TICRR: variants seen among roughly 807,000 people sequenced by gnomAD.
TICRR encodes the protein TOPBP1 interacting checkpoint and replication regulator.
A neutral mutation model predicts 178.1 loss-of-function variants in TICRR; 132 were observed. The observed-to-expected ratio is 0.74, with a 90% CI of 0.64 to 0.86. TICRR has a LOEUF of 0.86. Among genes scored for constraint, TICRR ranks in the 40% least tolerant of loss-of-function variants. TICRR has a pLI of 0.00. For missense variants in TICRR, 2,587 were observed against 2,334.3 expected (o/e 1.11, Z -2.23); for synonymous variants, 991 against 900.7 (o/e 1.10, Z -1.79).
chr15:89,592,008 G>C, intron 4 of TICRR, 39 bp from the exon 5 acceptor site: 1 of 1,583,990 alleles, frequency 6.3e-7, no homozygotes, highest in Non-Finnish European at 8.6e-7. Context: ...TGGTTCTCAT[G>C]CTGTTTCCTC....
chr15:89,600,706 A>G (rs190063444), intron 9 of TICRR, 21 bp downstream of exon 9: 1 of 1,179,790 alleles, frequency 8.5e-7, no homozygotes, highest in Non-Finnish European at 1.2e-6. Flanking sequence ...ACCATTTTTT[A>G]AAAAATCATC....
chr15:89,593,216 C>T lies in TICRR; in HGVS notation c.1541+1040C>T, dbSNP rs573036654. Reference sequence around the variant, plus strand: ...CATAGATAAATTTGGGAAGAACTGACATCTTAACAATGTTGAGTCATCCGA... The same window carrying T: ...CATAGATAAATTTGGGAAGAACTGATATCTTAACAATGTTGAGTCATCCGA... On this transcript the variant is annotated intron_variant, in intron 5 of 21. Transcript: ENST00000268138. 1.1e-4 allele frequency among the ~76,000 whole-genome samples: 17 copies of T among 152,272 alleles called. No homozygotes were observed. In the South Asian group the frequency reaches 3.5e-3, roughly 32 times the overall value.
At chr15:89,597,857 C>T (rs750275878) in intron 7 of TICRR, among the ~76,000 whole-genome samples, 1 of 152,162 alleles carries the variant, frequency 6.6e-6, no homozygotes, top group Non-Finnish European at 1.5e-5. Flanking sequence ...GTCTTTCTTG[C>T]TGTGAACATG....
chr15:89,621,330 A>C, intron 18 of TICRR, 63 bp from the exon 19 acceptor site: 1 of 1,525,450 alleles, frequency 6.6e-7, no homozygotes, highest in South Asian at 1.3e-5. Context: ...TGGCTGTTTT[A>C]ATAGTATTGG....
At chr15:89,603,637 G>C (rs946909671) in intron 13 of TICRR, among the ~76,000 whole-genome samples, 1 of 152,186 alleles carries the variant, frequency 6.6e-6, no homozygotes, top group Non-Finnish European at 1.5e-5. Context: ...TTTTGAAAAA[G>C]ATGATGACCA....
At position 89,625,712 on chromosome 15, in the gene TICRR, A is replaced by C. The variant is rs1963509896; in HGVS notation, c.5402A>C (p.Lys1801Thr). 1 of 1,613,022 alleles carries C rather than the reference A, an allele frequency of 6.2e-7. No homozygotes were observed. ...CDLREDSEVS[K>T]SKEGSPSWSA... ...CTGAGAGAAGATTCAGAAGTTAGTAAGAGTAAAGAGGGGTCTCCAAGTTGG... is the reference window on the plus strand; with the variant it reads ...CTGAGAGAAGATTCAGAAGTTAGTACGAGTAAAGAGGGGTCTCCAAGTTGG... The change falls in exon 20 of 22, where the codon AAG (lysine) becomes ACG (threonine). Residue 1801 changes from lysine to threonine, a missense_variant. By Grantham distance (78) the Lys-to-Thr change is moderately conservative. Coordinates refer to ENST00000268138, the MANE Select transcript of TICRR (RefSeq NM_152259.4).
rs201265436 is a variant in TICRR at position 89,575,636 on chromosome 15, C to G, written c.50C>G (p.Ala17Gly). The change falls in exon 1 of 22, where the codon GCC becomes GGC. Residue 17 changes from alanine (A) to glycine (G), a missense_variant. By Grantham distance (60) the Ala-to-Gly change is moderately conservative. Transcript: ENST00000268138. ...CTGCTGCTGGACACCGCGGGCGGCG[C>G]CGCCCGCCACAGCCGGGTCCGGCGG... The part of the protein sequence containing the change: ...VMLLLDTAGG[A>G]ARHSRVRRAA... 6.4e-7 allele frequency: 1 copy of G among 1,551,324 alleles called. No homozygotes were observed. The highest frequency in any genetic ancestry group is 1.4e-5 in the African/African-American group (1 of 72,802).
intron 15 of TICRR, among the ~76,000 whole-genome samples, chr15:89,610,402 T>C (rs1963239148): frequency 6.6e-6 from 1 of 152,250 alleles, no homozygotes; most frequent in Non-Finnish European, 1.5e-5. Flanking sequence ...CTTAAGTATA[T>C]ATGTCAATAA....
intron 7 of TICRR, among the ~76,000 whole-genome samples, chr15:89,597,346 A>G (rs1963014651): frequency 6.6e-6 from 1 of 152,114 alleles, no homozygotes; most frequent in South Asian, 2.1e-4. Flanking sequence ...CAGCATGGTG[A>G]AACCCTGTCT....
intron 15 of TICRR, among the ~76,000 whole-genome samples, chr15:89,615,994 C>T (rs1963329718): frequency 6.6e-6 from 1 of 151,828 alleles, no homozygotes; most frequent in South Asian, 2.1e-4. Context: ...AAGTGATTCT[C>T]CTGCCTCCGC....
intron 19 of TICRR, among the ~76,000 whole-genome samples, chr15:89,622,854 A>G (rs1963449264): frequency 1.3e-5 from 2 of 152,114 alleles, no homozygotes; most frequent in South Asian, 4.1e-4. Flanking sequence ...CCGACACCCA[A>G]GCTTGAAGAC....
intron 18 of TICRR, among the ~76,000 whole-genome samples, chr15:89,620,330 T>A (rs1029797156): frequency 1.3e-5 from 2 of 152,094 alleles, no homozygotes; most frequent in African/African-American, 4.8e-5. Flanking sequence ...CACCTTAGCC[T>A]CCCAGGGAGG....
In TICRR at chr15:89,624,315, A is replaced by T; in HGVS notation, c.4005A>T (p.Pro1335=). 1 of 1,614,210 alleles carries T rather than the reference A, an allele frequency of 6.2e-7. No homozygotes were observed. The highest frequency in any genetic ancestry group is 8.5e-7 in the Non-Finnish European group (1 of 1,180,042). ...FRKSKIECPS[P]GELDQKEPQM... ...AATCTAAAATAGAGTGTCCTTCCCCAGGAGAACTGGATCAGAAAGAGCCCC... is the reference window on the plus strand; with the variant it reads ...AATCTAAAATAGAGTGTCCTTCCCCTGGAGAACTGGATCAGAAAGAGCCCC... The change falls in exon 20 of 22, where the codon CCA becomes CCT. Residue 1335 remains proline (P), a synonymous_variant. Transcript: ENST00000268138.
At chr15:89,580,314 A>G (rs1443558673) in intron 1 of TICRR, among the ~76,000 whole-genome samples, 4 of 152,224 alleles carry the variant, frequency 2.6e-5, no homozygotes. Context: ...GTCAGCCACC[A>G]CAACCGGCCA....
At chr15:89,611,052 TAA>T (rs547260243) in intron 15 of TICRR, among the ~76,000 whole-genome samples, 2 of 149,258 alleles carry the variant, frequency 1.3e-5, no homozygotes, top group Non-Finnish European at 1.5e-5. Flanking sequence ...ATATAGGGTT[TAA>T]AAAAAAAACA....
At chr15:89,576,358 C>G (rs748381864) in intron 1 of TICRR, 118 bp downstream of exon 1, 105 of 969,450 alleles carry the variant, frequency 1.1e-4, no homozygotes, top group Non-Finnish European at 1.5e-4. Flanking sequence ...GACTATGCGT[C>G]CCTTCGGAAG....
Position 89,592,068 on chromosome 15 carries a change from C to G in TICRR, c.1433C>G (p.Ala478Gly). ...ASAASPVPEW[A>G]QQELGHTTPW... The stretch of plus-strand genomic sequence containing the variant: ...ATAGCTTCTCCTGTTCCAGAGTGGG[C>G]CCAGCAGGAGCTTGGCCACACCACT... Residue 478 changes from alanine (A) to glycine (G), a missense_variant, in exon 5 of 22, where the codon GCC (alanine) becomes GGC (glycine). Ala to Gly is a moderately conservative substitution (Grantham distance 60, BLOSUM62 0). Transcript: ENST00000268138. 1 of 1,611,012 alleles carries G rather than the reference C, an allele frequency of 6.2e-7. No homozygotes were observed. The highest frequency in any genetic ancestry group is 8.5e-7 in the Non-Finnish European group (1 of 1,177,628).
Position 89,625,692 on chromosome 15 carries a change from A to G in TICRR, c.5382A>G (p.Arg1794=). 1 of 1,613,614 alleles carries G rather than the reference A, an allele frequency of 6.2e-7. No homozygotes were observed. The highest frequency in any genetic ancestry group is 8.5e-7 in the Non-Finnish European group (1 of 1,180,012). Residue 1794 remains arginine, a synonymous_variant, in exon 20 of 22, where the codon AGA becomes AGG. Coordinates refer to ENST00000268138, the MANE Select transcript of TICRR (RefSeq NM_152259.4). ...DRGAKRICDL[R]EDSEVSKSKE... ...GAGCCAAAAGGATCTGTGACCTGAG[A>G]GAAGATTCAGAAGTTAGTAAGAGTA...
chr15:89,595,252 C>T, intron 6 of TICRR, 141 bp from the exon 7 acceptor site: 2 of 658,384 alleles, frequency 3.0e-6, no homozygotes, highest in South Asian at 2.0e-5. Context: ...GAAAGAGATG[C>T]AAGAACTTCC....
Sources: allele counts gnomAD v4.1 joint callset (sites outside exome capture counted in the v4.1 genomes callset), GRCh38; gene constraint gnomAD v4.1.1; transcripts MANE v1.5; gene names NCBI Gene and HGNC (gene_info 2026-07-23, HGNC 2026-07-21).